The following AGBL4 variants were observed in gnomAD, a reference collection of about 807,000 sequenced individuals.
AGBL4 encodes cytosolic carboxypeptidase 6.
AGBL4 carries 58 observed loss-of-function variants against 66.4 expected under a neutral mutation model. The ratio of observed to expected loss-of-function variants is 0.87; its 90% CI spans 0.71 to 1.09. The LOEUF (loss-of-function observed/expected upper bound fraction) is 1.09, where lower values mean the gene tolerates loss of function less well. Among genes scored for constraint, AGBL4 ranks in the 50% least tolerant of loss-of-function variants. AGBL4 has a pLI of 0.00. For synonymous variants in AGBL4, 234 were observed against 222.9 expected, an observed-to-expected ratio of 1.05 and a Z score of -0.44; for missense variants, 579 against 631.0, an observed-to-expected ratio of 0.92 and a Z score of 0.88.
chr1:49,768,756 T>G (rs1643967161), intron 2 of AGBL4, among the ~76,000 whole-genome samples: 1 of 152,172 alleles, frequency 6.6e-6, no homozygotes, highest in Admixed American at 6.5e-5. Flanking sequence ...CTAATGTAAT[T>G]CTATGCCTAG....
At chr1:49,300,844 G>C (rs979877370) in intron 3 of AGBL4, among the ~76,000 whole-genome samples, 1 of 152,104 alleles carries the variant, frequency 6.6e-6, no homozygotes, top group African/African-American at 2.4e-5. Context: ...TAATTATATT[G>C]TAATCCTCAT....
At chr1:49,404,770 CAAAT>C (rs1423907426) in intron 3 of AGBL4, among the ~76,000 whole-genome samples, 11 of 152,010 alleles carry the variant, frequency 7.2e-5, no homozygotes, top group African/African-American at 7.3e-5. Flanking sequence ...TTTCTCATAA[CAAAT>C]AAAACAAATC....
intron 1 of AGBL4, among the ~76,000 whole-genome samples, chr1:49,944,248 T>A (rs1372588877): frequency 6.6e-6 from 1 of 152,002 alleles, no homozygotes; most frequent in Non-Finnish European, 1.5e-5. Context: ...CCAACCAGCA[T>A]AGAAATAGTA....
intron 5 of AGBL4, among the ~76,000 whole-genome samples, chr1:48,871,593 C>G (rs1011546029): frequency 1.3e-5 from 2 of 152,030 alleles, no homozygotes; most frequent in Non-Finnish European, 2.9e-5. Flanking sequence ...CCAGCCTTCC[C>G]TGATAAACAT....
intron 3 of AGBL4, among the ~76,000 whole-genome samples, chr1:49,368,092 T>A (rs768000907): frequency 1.4e-4 from 21 of 152,204 alleles, no homozygotes; most frequent in Non-Finnish European, 2.9e-4. Flanking sequence ...CATGTATCAG[T>A]CTGTCATTCT....
chr1:49,363,385 G>A lies in AGBL4; in HGVS notation c.283-117521C>T, dbSNP rs368903086. ...CTGATATTATTTAAAATTCTACTGTGTTCTTCATTCAGCAGAGACAGTGTG... is the reference window on the plus strand; with the variant it reads ...CTGATATTATTTAAAATTCTACTGTATTCTTCATTCAGCAGAGACAGTGTG... On this transcript the variant is annotated intron_variant, in intron 3 of 13. Transcript: ENST00000371839. 3.3e-4 allele frequency among the ~76,000 whole-genome samples: 51 copies of A among 152,260 alleles called. 1 individual carries two copies. The South Asian group carries it at 9.7e-3, about 29-fold the overall frequency.
At chr1:48,659,144 A>G (rs1448532194) in intron 7 of AGBL4, among the ~76,000 whole-genome samples, 1 of 152,172 alleles carries the variant, frequency 6.6e-6, no homozygotes, top group Non-Finnish European at 1.5e-5. Flanking sequence ...GGAAGAGTGA[A>G]GGTGAAGAGG....
At chr1:48,937,935 G>C (rs911066270) in intron 5 of AGBL4, among the ~76,000 whole-genome samples, 2 of 152,154 alleles carry the variant, frequency 1.3e-5, no homozygotes, top group African/African-American at 4.8e-5. Context: ...AAACAGACCT[G>C]GGTTTTAATT....
intron 2 of AGBL4, among the ~76,000 whole-genome samples, chr1:49,706,605 C>T (rs1456393657): frequency 7.9e-5 from 12 of 151,952 alleles, no homozygotes; most frequent in Non-Finnish European, 1.6e-4. Flanking sequence ...AATTTCTTTC[C>T]TCTTGCTTCT....
At chr1:48,960,515 C>A (rs764893734) in intron 5 of AGBL4, among the ~76,000 whole-genome samples, 4 of 152,048 alleles carry the variant, frequency 2.6e-5, no homozygotes, top group Non-Finnish European at 2.9e-5. Flanking sequence ...GGATGTAATA[C>A]TGACTAAGAA....
chr1:49,438,934 A>T (rs1248620323), intron 3 of AGBL4, among the ~76,000 whole-genome samples: 4 of 152,220 alleles, frequency 2.6e-5, no homozygotes, highest in Non-Finnish European at 5.9e-5. Flanking sequence ...ACACAGTAGA[A>T]GGTGAGAGAT....
intron 4 of AGBL4, among the ~76,000 whole-genome samples, chr1:49,178,321 G>C (rs1308937637): frequency 1.3e-5 from 2 of 152,126 alleles, no homozygotes; most frequent in African/African-American, 4.8e-5. Flanking sequence ...ACTTAAATTT[G>C]GTGCTCATTA....
chr1:48,642,753 A>G (rs938067024), intron 8 of AGBL4, among the ~76,000 whole-genome samples: 1 of 152,136 alleles, frequency 6.6e-6, no homozygotes, highest in Non-Finnish European at 1.5e-5. Context: ...CTGGCCCTTG[A>G]GGCTAGGAAT....
At chr1:49,941,811 C>T (rs1206039565) in intron 1 of AGBL4, among the ~76,000 whole-genome samples, 1 of 151,932 alleles carries the variant, frequency 6.6e-6, no homozygotes, top group Non-Finnish European at 1.5e-5. Context: ...GCTTTTCCTC[C>T]AAGGTCAGGA....
At chr1:49,068,590 A>C (rs185323252) in intron 4 of AGBL4, among the ~76,000 whole-genome samples, 1 of 152,120 alleles carries the variant, frequency 6.6e-6, no homozygotes, top group African/African-American at 2.4e-5. Flanking sequence ...ATAGTATTCC[A>C]TGGTGTATAT....
chr1:49,807,211 T>A (rs1181718228), intron 2 of AGBL4, among the ~76,000 whole-genome samples: 2 of 152,022 alleles, frequency 1.3e-5, no homozygotes, highest in Admixed American at 6.6e-5. Flanking sequence ...GAATCCAGCC[T>A]AGGAAAGCAA....
intron 1 of AGBL4, among the ~76,000 whole-genome samples, chr1:49,951,580 C>T (rs1656159562): frequency 6.6e-6 from 1 of 151,900 alleles, no homozygotes; most frequent in African/African-American, 2.4e-5. Flanking sequence ...TAATCCTCCT[C>T]ATTTGCCTTT....
intron 1 of AGBL4, among the ~76,000 whole-genome samples, chr1:49,860,643 G>A (rs964480249): frequency 6.6e-6 from 1 of 152,092 alleles, no homozygotes; most frequent in African/African-American, 2.4e-5. Flanking sequence ...AGACTGCAGT[G>A]AGCCGTGATT....
chr1:49,388,348 T>G (rs765142806), intron 3 of AGBL4, among the ~76,000 whole-genome samples: 1 of 152,120 alleles, frequency 6.6e-6, no homozygotes, highest in African/African-American at 2.4e-5. Context: ...GGCATTGTTG[T>G]GTTAAAATAT....
Sources: gnomAD v4.1 joint callset for allele counts (sites outside exome capture counted in the v4.1 genomes callset) on GRCh38, gnomAD v4.1.1 for gene constraint, MANE v1.5 for transcripts, NCBI Gene and HGNC (gene_info 2026-07-23, HGNC 2026-07-21) for gene names.